The following PRMT1 variants were observed in gnomAD, a reference collection of about 807,000 sequenced individuals.
PRMT1 encodes protein arginine N-methyltransferase 1.
Under a neutral mutation model 47.4 loss-of-function variants are expected in PRMT1, and 5 were observed. The ratio of observed to expected loss-of-function variants is 0.11; its 90% CI spans 0.06 to 0.22. PRMT1 has a LOEUF of 0.22. PRMT1 is among the 10% of genes least tolerant of loss of function. The pLI is 1.00. For synonymous variants in PRMT1, 227 were observed against 204.6 expected, an observed-to-expected ratio of 1.11 and a Z score of -0.94; for missense variants, 249 against 518.4, an observed-to-expected ratio of 0.48 and a Z score of 5.05.
chr19:49,680,525 C>T lies in PRMT1; in HGVS notation c.129C>T (p.Asn43=), dbSNP rs374396395. The T allele has an allele frequency of 1.1e-5, 18 of 1,614,000 alleles. No homozygotes were observed. The highest frequency in any genetic ancestry group is 1.2e-5 in the Non-Finnish European group (14 of 1,180,002). ...AGGCGGAAAGCAGTGAGAAGCCCAA[C>T]GCTGAGGACATGACATCCAAAGATT... ...CGQAESSEKP[N]AEDMTSKDYY... Residue 43 remains asparagine (N), a synonymous_variant, in exon 3 of 11, where the codon AAC becomes AAT. Transcript: ENST00000454376. The surrounding 1 kb of genome is among the most constrained non-coding windows in gnomAD (Gnocchi z 4.2).
Position 49,681,967 on chromosome 19 carries a change from C to A in PRMT1, c.250C>A (p.Arg84=). ...TTACCGCAACTCCATGTTTCATAAC[C>A]GGCACCTCTTCAAGGACAAGGTGGT... ...LTYRNSMFHN[R]HLFKDKVVLD... Residue 84 remains arginine (R), a synonymous_variant, in exon 4 of 11, where the codon CGG becomes AGG. Coordinates refer to ENST00000454376, the MANE Select transcript of PRMT1 (RefSeq NM_001536.6). This position sits in a 1 kb window ranked among gnomAD's most constrained non-coding sequence, Gnocchi z 4.4. The A allele has an allele frequency of 6.2e-7, 1 of 1,614,160 alleles. No homozygotes were observed. Among genetic ancestry groups the A allele is most frequent in the East Asian group, 2.2e-5 (1 of 44,872 alleles).
chr19:49,686,420 C>T (rs554135092), intron 9 of PRMT1, among the ~76,000 whole-genome samples, 177 bp downstream of exon 9: 1 of 152,172 alleles, frequency 6.6e-6, no homozygotes, highest in South Asian at 2.1e-4. Context: ...GTGTGCAGTG[C>T]CTCAGTTTCC....
At position 49,684,635 on chromosome 19, in the gene PRMT1, T is replaced by C; in HGVS notation, c.556-119T>C. 1 of 1,162,390 alleles carries C rather than the reference T, an allele frequency of 8.6e-7. No individual in the cohort carries two copies. Among genetic ancestry groups the C allele is most frequent in the South Asian group, 1.4e-5 (1 of 73,946 alleles). 72.0% of individuals were successfully genotyped at this position (1,162,390 alleles called of 1,614,324 possible). A position where few individuals can be genotyped will look rare whatever the true frequency, so the allele number is the denominator to read the frequency against. Reference sequence around the variant, plus strand: ...GGGAAATAGACCAGGGGGCGAGGGGTGAGTGCCGCTGCGACATGAGGGTGG... The same window carrying C: ...GGGAAATAGACCAGGGGGCGAGGGGCGAGTGCCGCTGCGACATGAGGGTGG... On this transcript the variant is annotated intron_variant, in intron 6 of 10. Transcript: ENST00000454376. The surrounding 1 kb of genome is among the most constrained non-coding windows in gnomAD (Gnocchi z 6.2).
At position 49,680,018 on chromosome 19, in the gene PRMT1, C is replaced by A; in HGVS notation, c.90+93C>A. 1 of 1,351,134 alleles carries A rather than the reference C, an allele frequency of 7.4e-7. No homozygotes were observed. The highest frequency in any genetic ancestry group is 1.0e-6 in the Non-Finnish European group (1 of 962,834). 83.7% of individuals were successfully genotyped at this position (1,351,134 alleles called of 1,614,324 possible). ...GGCCCTTTCTTGAGGTCTAACCATA[C>A]CCCTCTTGCTTCAAACCAGTTTACC... On this transcript the variant is annotated intron_variant, in intron 2 of 10. Coordinates refer to ENST00000454376, the MANE Select transcript of PRMT1 (RefSeq NM_001536.6). The surrounding 1 kb of genome is among the most constrained non-coding windows in gnomAD (Gnocchi z 4.2).
At chr19:49,687,291 C>G (rs1160862120) in intron 10 of PRMT1, among the ~76,000 whole-genome samples, 2 of 152,096 alleles carry the variant, frequency 1.3e-5, no homozygotes, top group Admixed American at 1.3e-4. Flanking sequence ...GAGACAGGGT[C>G]TGGGCAGAGA....
intron 5 of PRMT1, among the ~76,000 whole-genome samples, 186 bp downstream of exon 5, chr19:49,682,445 T>C (rs922574574): frequency 6.6e-6 from 1 of 152,132 alleles, no homozygotes; most frequent in South Asian, 2.1e-4. Context: ...CACCGCAGTC[T>C]TAAAATTAGG....
In PRMT1 at chr19:49,688,111, C is replaced by CCCT. The variant is rs758373280; in HGVS notation, c.1033-51_1033-50insCCT. The CCCT allele has an allele frequency of 4.6e-6, 7 of 1,535,802 alleles. No individual in the cohort carries two copies. In the African/African-American group the frequency reaches 9.6e-5, roughly 21 times the overall value. On this transcript the variant is annotated intron_variant, in intron 10 of 10. Coordinates refer to ENST00000454376, the MANE Select transcript of PRMT1 (RefSeq NM_001536.6). The surrounding 1 kb of genome is among the most constrained non-coding windows in gnomAD (Gnocchi z 5.3). ...GCATAGCCTGCCTGCACCCGCCCCCCGCCACCACCTCCTGGTGGGTTCCGC... is the reference window on the plus strand; with the variant it reads ...GCATAGCCTGCCTGCACCCGCCCCCCCCTGCCACCACCTCCTGGTGGGTTCCGC...
At chr19:49,677,412 G>A (rs2082051489) in intron 1 of PRMT1, 96 bp downstream of exon 1, 1 of 1,123,276 alleles carries the variant, frequency 8.9e-7, no homozygotes, top group Admixed American at 3.3e-5. Flanking sequence ...GGCGATATGG[G>A]GTTGGAGGTC....
Position 49,684,507 on chromosome 19 carries a change from T to C in PRMT1, c.556-247T>C, listed in dbSNP as rs2082174801. On this transcript the variant is annotated intron_variant, in intron 6 of 10. Transcript: ENST00000454376. This position sits in a 1 kb window ranked among gnomAD's most constrained non-coding sequence, Gnocchi z 6.2. ...TTTTGTGGAGGCTTATGGGACCCCG[T>C]GCTTTTCCTCTCAGAGCAGCTAGGG... 6.6e-6 allele frequency among the ~76,000 whole-genome samples: 1 copy of C among 152,150 alleles called. No homozygotes were observed. Among genetic ancestry groups the C allele is most frequent in the Non-Finnish European group, 1.5e-5 (1 of 68,000 alleles).
chr19:49,685,690 C>T lies in PRMT1; in HGVS notation c.760-403C>T. The T allele has an allele frequency of 9.6e-7, 1 of 1,036,318 alleles. No homozygotes were observed. The highest frequency in any genetic ancestry group is 1.2e-6 in the Non-Finnish European group (1 of 861,350). The allele number at this position is 1,036,318 out of a possible 1,614,324, so 64.2% of individuals were successfully genotyped here. On this transcript the variant is annotated intron_variant, in intron 8 of 10. Coordinates refer to ENST00000454376, the MANE Select transcript of PRMT1 (RefSeq NM_001536.6). This position sits in a 1 kb window ranked among gnomAD's most constrained non-coding sequence, Gnocchi z 4.7. ...GGAGACTACAGGGGCAGGGACCCCACTCGGGCCACCCTCCTGAGAGCCAGG... is the reference window on the plus strand; with the variant it reads ...GGAGACTACAGGGGCAGGGACCCCATTCGGGCCACCCTCCTGAGAGCCAGG...
chr19:49,679,071 A>ATAGG (rs1253405676), intron 1 of PRMT1, among the ~76,000 whole-genome samples: 1 of 151,972 alleles, frequency 6.6e-6, no homozygotes, highest in Admixed American at 6.6e-5. Context: ...TTTAGTAGAG[A>ATAGG]TAGGGTTTCA....
At chr19:49,686,554 G>A (rs1426657917) in intron 9 of PRMT1, 51 bp from the exon 10 acceptor site, 2 of 1,573,894 alleles carry the variant, frequency 1.3e-6, no homozygotes, top group Admixed American at 1.9e-5. Context: ...CGCAAGGGTG[G>A]GGTTGGGGGG....
rs2082182737 is a variant in PRMT1 at position 49,684,938 on chromosome 19, T to C, written c.660T>C (p.Tyr220=). 1.2e-6 allele frequency: 2 copies of C among 1,600,244 alleles called. No homozygotes were observed. The highest frequency in any genetic ancestry group is 1.7e-6 in the Non-Finnish European group (2 of 1,170,714). ...DYKIHWWENV[Y]GFDMSCIKDV... ...CCTCCCCAGGGTGGGAGAACGTGTA[T>C]GGCTTCGACATGTCTTGCATCAAAG... is the stretch of plus-strand genomic sequence containing the variant. Residue 220 remains tyrosine (Y), a synonymous_variant, in exon 8 of 11, where the codon TAT becomes TAC. Transcript: ENST00000454376. This position sits in a 1 kb window ranked among gnomAD's most constrained non-coding sequence, Gnocchi z 6.2.
chr19:49,679,739 C>A (rs1381885213), intron 1 of PRMT1, 133 bp from the exon 2 acceptor site: 5 of 706,596 alleles, frequency 7.1e-6, no homozygotes, highest in Non-Finnish European at 1.3e-5. Context: ...TACTTGCCCC[C>A]TTCGCCACCA....
At position 49,681,528 on chromosome 19, in the gene PRMT1, A is replaced by G. The variant is rs1225930327; in HGVS notation, c.193-382A>G. Among the ~76,000 whole-genome samples the G allele has an allele frequency of 2.0e-5, 3 of 152,156 alleles. No homozygotes were observed. Among genetic ancestry groups the G allele is most frequent in the Non-Finnish European group, 4.4e-5 (3 of 68,028 alleles). ...TGAGGTGGGTGGATCACCTGAGGTC[A>G]GGAGTTGAAGACCAACCTGGGCAAT... On this transcript the variant is annotated intron_variant, in intron 3 of 10. Coordinates refer to ENST00000454376, the MANE Select transcript of PRMT1 (RefSeq NM_001536.6). This position sits in a 1 kb window ranked among gnomAD's most constrained non-coding sequence, Gnocchi z 4.4.
chr19:49,686,736 C>T lies in PRMT1; in HGVS notation c.1032+10C>T, dbSNP rs375545148. On this transcript the variant is annotated intron_variant, in intron 10 of 10. Transcript: ENST00000454376. Reference sequence around the variant, plus strand: ...CAACGCCAAGAACAACGTGAGGCTCCGGGCAGCTGGGTGGGAGGGTGGCAG... The same window carrying T: ...CAACGCCAAGAACAACGTGAGGCTCTGGGCAGCTGGGTGGGAGGGTGGCAG... 1.4e-5 allele frequency: 20 copies of T among 1,478,496 alleles called. No homozygotes were observed. In the African/African-American group the frequency reaches 2.2e-4, roughly 16 times the overall value. The allele number at this position is 1,478,496 out of a possible 1,614,324, so 91.6% of individuals were successfully genotyped here.
At position 49,680,273 on chromosome 19, in the gene PRMT1, G is replaced by C; in HGVS notation, c.91-214G>C. ...GCTGAGGTATCGGGGTGCTCCCCTGGATGGTGCTCTGGGGGGGTCCTGGAA... is the reference window on the plus strand; with the variant it reads ...GCTGAGGTATCGGGGTGCTCCCCTGCATGGTGCTCTGGGGGGGTCCTGGAA... On this transcript the variant is annotated intron_variant, in intron 2 of 10. Coordinates refer to ENST00000454376, the MANE Select transcript of PRMT1 (RefSeq NM_001536.6). This position sits in a 1 kb window ranked among gnomAD's most constrained non-coding sequence, Gnocchi z 4.2. 1 of 1,513,590 alleles carries C rather than the reference G, an allele frequency of 6.6e-7. No homozygotes were observed. The highest frequency in any genetic ancestry group is 9.2e-7 in the Non-Finnish European group (1 of 1,092,688). 93.8% of individuals were successfully genotyped at this position (1,513,590 alleles called of 1,614,324 possible). A position where few individuals can be genotyped will look rare whatever the true frequency, so the allele number is the denominator to read the frequency against.
intron 5 of PRMT1, 43 bp from the exon 6 acceptor site, chr19:49,683,884 A>AG (rs1200942875): frequency 6.3e-7 from 1 of 1,588,072 alleles, no homozygotes; most frequent in African/African-American, 1.3e-5. Flanking sequence ...GGTGAGGGGC[A>AG]GGCCTCCCGG....
rs1273099687 is a variant in PRMT1, at chr19:49,680,087, C to T, written c.90+162C>T. ...AGTAGCAACCCCTCCAGGTTCACAG[C>T]CCCCGCTGGCCTCCCCCAGTATCGC... is the stretch of plus-strand genomic sequence containing the variant. On this transcript the variant is annotated intron_variant, in intron 2 of 10. Transcript: ENST00000454376. This position sits in a 1 kb window ranked among gnomAD's most constrained non-coding sequence, Gnocchi z 4.2. 1 of 1,072,624 alleles carries T rather than the reference C, an allele frequency of 9.3e-7. No homozygotes were observed. 66.4% of individuals were successfully genotyped at this position (1,072,624 alleles called of 1,614,324 possible). A position where few individuals can be genotyped will look rare whatever the true frequency, so the allele number is the denominator to read the frequency against.
Sources: allele counts gnomAD v4.1 joint callset (sites outside exome capture counted in the v4.1 genomes callset), GRCh38; gene constraint gnomAD v4.1.1; non-coding constraint Gnocchi (gnomAD v3.1); transcripts MANE v1.5; gene names NCBI Gene and HGNC (gene_info 2026-07-23, HGNC 2026-07-21).